The following GREM2 variants were observed in gnomAD, a reference collection of about 807,000 sequenced individuals.
The protein encoded by GREM2 is gremlin-2.
GREM2 carries 11 observed loss-of-function variants against 14.2 expected under a neutral mutation model. The ratio of observed to expected loss-of-function variants is 0.78; its 90% CI spans 0.49 to 1.28. The LOEUF is 1.28. Among genes scored for constraint, GREM2 ranks in the 50% most tolerant of loss-of-function variants. The pLI is 0.00. For missense variants in GREM2, 210 were observed against 218.5 expected, an observed-to-expected ratio of 0.96 and a Z score of 0.24; for synonymous variants, 98 against 97.6, an observed-to-expected ratio of 1.00 and a Z score of -0.02.
At chr1:240,539,920 T>C (rs1397527907) in intron 1 of GREM2, among the ~76,000 whole-genome samples, 1 of 152,180 alleles carries the variant, frequency 6.6e-6, no homozygotes, top group Non-Finnish European at 1.5e-5. Context: ...CCTCTTTTGT[T>C]TTCTCAAAAT....
intron 1 of GREM2, among the ~76,000 whole-genome samples, chr1:240,581,895 C>T (rs533940187): frequency 3.9e-5 from 6 of 152,316 alleles, no homozygotes; most frequent in African/African-American, 1.4e-4. Flanking sequence ...ATACAAGTAA[C>T]AGTTTAGTAA....
In GREM2 at chr1:240,575,029, C is replaced by T. The variant is rs142819340; in HGVS notation, c.-2+36855G>A. ...GGCTGAGGCAGGAGAATTGGTTGAA[C>T]GTGGGAGGCGGAGGCTGCAGTGAGC... On this transcript the variant is annotated intron_variant, in intron 1 of 1. Coordinates refer to ENST00000318160, the MANE Select transcript of GREM2 (RefSeq NM_022469.4). 6.9e-3 allele frequency among the ~76,000 whole-genome samples: 1,054 copies of T among 151,978 alleles called. 17 individuals carry two copies. The highest frequency in any genetic ancestry group is 0.023 in the African/African-American group (951 of 41,448).
intron 1 of GREM2, among the ~76,000 whole-genome samples, chr1:240,604,172 G>C (rs1679981615): frequency 6.6e-6 from 1 of 151,888 alleles, no homozygotes; most frequent in Admixed American, 6.6e-5. Context: ...AGGGCACCAA[G>C]CCATTAATGC....
At chr1:240,597,611 C>T (rs1252360543) in intron 1 of GREM2, among the ~76,000 whole-genome samples, 1 of 152,144 alleles carries the variant, frequency 6.6e-6, no homozygotes, top group Non-Finnish European at 1.5e-5. Flanking sequence ...CTGGGAGCTG[C>T]TGAGAGGCAA....
intron 1 of GREM2, among the ~76,000 whole-genome samples, chr1:240,513,997 G>T (rs1443976099): frequency 6.6e-6 from 1 of 152,046 alleles, no homozygotes; most frequent in African/African-American, 2.4e-5. Context: ...TGTAATCCCA[G>T]CACTTTGGGC....
At chr1:240,577,894 A>G (rs968802480) in intron 1 of GREM2, among the ~76,000 whole-genome samples, 13 of 152,206 alleles carry the variant, frequency 8.5e-5, no homozygotes, top group African/African-American at 2.9e-4. Flanking sequence ...TGAACTACAT[A>G]AATCACTCAT....
intron 1 of GREM2, among the ~76,000 whole-genome samples, chr1:240,592,330 C>T (rs185229864): frequency 3.9e-5 from 6 of 152,040 alleles, no homozygotes; most frequent in East Asian, 3.9e-4. Context: ...GTGGACACAA[C>T]GAGATACCAT....
intron 1 of GREM2, among the ~76,000 whole-genome samples, chr1:240,605,515 C>T (rs975274577): frequency 1.1e-4 from 16 of 152,150 alleles, no homozygotes; most frequent in African/African-American, 3.6e-4. Flanking sequence ...AATAAAAAAT[C>T]ACCAAGGTAA....
At chr1:240,556,445 A>G (rs2103344467) in intron 1 of GREM2, among the ~76,000 whole-genome samples, 2 of 152,344 alleles carry the variant, frequency 1.3e-5, no homozygotes, top group African/African-American at 4.8e-5. Flanking sequence ...CTTGCCCTTC[A>G]AGTAAGTTTT....
At chr1:240,534,621 A>G (rs2103318839) in intron 1 of GREM2, among the ~76,000 whole-genome samples, 1 of 151,952 alleles carries the variant, frequency 6.6e-6, no homozygotes, top group Non-Finnish European at 1.5e-5. Flanking sequence ...TGAACCCAGG[A>G]AGTGGAGCTT....
rs147264237 is a variant in GREM2 at position 240,541,691 on chromosome 1, A to AT, written c.-1-48216dup. ...TGTTTACACATTGCACATGGTAAGAATTTTTTTTTTGAAGTAAGTATACTG... is the reference window on the plus strand; with the variant it reads ...TGTTTACACATTGCACATGGTAAGAATTTTTTTTTTTGAAGTAAGTATACTG... On this transcript the variant is annotated intron_variant, in intron 1 of 1. Coordinates refer to ENST00000318160, the MANE Select transcript of GREM2 (RefSeq NM_022469.4). Among the ~76,000 whole-genome samples the AT allele has an allele frequency of 2.1e-3, 320 of 149,708 alleles. 10 individuals are homozygous for AT. The East Asian group carries it at 0.053, about 25-fold the overall frequency.
At position 240,543,909 on chromosome 1, in the gene GREM2, A is replaced by G. The variant is rs537396382; in HGVS notation, c.-1-50433T>C. On this transcript the variant is annotated intron_variant, in intron 1 of 1. Coordinates refer to ENST00000318160, the MANE Select transcript of GREM2 (RefSeq NM_022469.4). This position sits in a 1 kb window ranked among gnomAD's most constrained non-coding sequence, Gnocchi z 6.4. ...TTTCAATGGGAACAAGCACAGAACT[A>G]AAGGGTGACCCTCCATACCTGTGGG... Among the ~76,000 whole-genome samples the G allele has an allele frequency of 8.2e-4, 125 of 152,314 alleles. 1 individual carries two copies. The Middle Eastern group carries it at 0.014, about 17-fold the overall frequency.
intron 1 of GREM2, among the ~76,000 whole-genome samples, chr1:240,512,687 A>C (rs1016882034): frequency 5.9e-5 from 9 of 152,220 alleles, no homozygotes; most frequent in African/African-American, 2.2e-4. Context: ...ACTTGTTTGA[A>C]ATGCTGTATT....
At chr1:240,556,999 G>A (rs899044834) in intron 1 of GREM2, among the ~76,000 whole-genome samples, 3 of 151,704 alleles carry the variant, frequency 2.0e-5, no homozygotes, top group East Asian at 1.9e-4. Flanking sequence ...GTGAAACCCC[G>A]TCTCTACTAA....
chr1:240,568,454 G>A (rs930676277), intron 1 of GREM2, among the ~76,000 whole-genome samples: 1 of 152,026 alleles, frequency 6.6e-6, no homozygotes, highest in Non-Finnish European at 1.5e-5. Flanking sequence ...GAAGCAAATT[G>A]TAGGATAATA....
At chr1:240,512,921 A>G (rs1293396817) in intron 1 of GREM2, among the ~76,000 whole-genome samples, 1 of 152,218 alleles carries the variant, frequency 6.6e-6, no homozygotes, top group Non-Finnish European at 1.5e-5. Context: ...ATCATTCTCA[A>G]CACATACTTA....
At chr1:240,552,013 A>G (rs1215190801) in intron 1 of GREM2, among the ~76,000 whole-genome samples, 1 of 151,468 alleles carries the variant, frequency 6.6e-6, no homozygotes, top group African/African-American at 2.4e-5. Context: ...AACATTCTCC[A>G]TTGAACCACA....
chr1:240,571,988 G>C (rs1572404212), intron 1 of GREM2, among the ~76,000 whole-genome samples: 1 of 152,214 alleles, frequency 6.6e-6, no homozygotes, highest in East Asian at 1.9e-4. Context: ...TGACCACTTG[G>C]AATTGGCCAA....
chr1:240,551,483 G>A (rs547000205), intron 1 of GREM2, among the ~76,000 whole-genome samples: 3 of 152,218 alleles, frequency 2.0e-5, no homozygotes, highest in Admixed American at 2.0e-4. Context: ...TGAGTAGCTG[G>A]GACTACAGGC....
Sources: gnomAD v4.1 joint callset for allele counts (sites outside exome capture counted in the v4.1 genomes callset) on GRCh38, gnomAD v4.1.1 for gene constraint, Gnocchi (gnomAD v3.1) non-coding constraint, MANE v1.5 for transcripts, NCBI Gene and HGNC (gene_info 2026-07-23, HGNC 2026-07-21) for gene names.